The following GDPD5 variants were observed in gnomAD, a reference collection of about 807,000 sequenced individuals.
The protein encoded by GDPD5 is glycerophosphodiester phosphodiesterase 2.
Under a neutral mutation model 75.1 loss-of-function variants are expected in GDPD5, and 48 were observed. That is an observed-to-expected ratio of 0.64 (90% CI 0.51 to 0.81). The LOEUF (loss-of-function observed/expected upper bound fraction) is 0.81. Ranked by LOEUF, GDPD5 falls within the 40% of genes least tolerant of loss-of-function variation. The probability of loss-of-function intolerance (pLI) is 0.00; values close to 1 mark genes in which losing one functional copy is unlikely to be tolerated. For missense variants in GDPD5, 706 were observed against 822.6 expected, an observed-to-expected ratio of 0.86 and a Z score of 1.73; for synonymous variants, 336 against 339.0, an observed-to-expected ratio of 0.99 and a Z score of 0.10.
chr11:75,444,541 G>T (rs1457941913), intron 9 of GDPD5, 46 bp from the exon 10 acceptor site: 2 of 1,391,910 alleles, frequency 1.4e-6, no homozygotes, highest in South Asian at 2.3e-5. Context: ...TTCAGCTGAT[G>T]TACCCTCCCC....
At chr11:75,445,277 A>G (rs1390868037) in intron 9 of GDPD5, among the ~76,000 whole-genome samples, 1 of 152,068 alleles carries the variant, frequency 6.6e-6, no homozygotes, top group East Asian at 1.9e-4. Context: ...AACTTCCCAA[A>G]TAGCTGGGAC....
In GDPD5 at chr11:75,465,026, A is replaced by G. The variant is rs148522596; in HGVS notation, c.118-2137T>C. Among the ~76,000 whole-genome samples, 37 of 152,314 alleles carry G rather than the reference A, an allele frequency of 2.4e-4. 1 individual carries two copies. In the South Asian group the frequency reaches 2.5e-3, roughly 10 times the overall value. On this transcript the variant is annotated intron_variant, in intron 3 of 16. Coordinates refer to ENST00000336898, the MANE Select transcript of GDPD5 (RefSeq NM_030792.8). ...TGCCACCTCAAATTCTTATTTGCTC[A>G]TAACAGCCTTCATTCCCTGCAGAGT...
chr11:75,484,884 G>A (rs897040153), intron 2 of GDPD5, among the ~76,000 whole-genome samples: 1 of 152,116 alleles, frequency 6.6e-6, no homozygotes, highest in Non-Finnish European at 1.5e-5. Flanking sequence ...TTGCATAGGC[G>A]TCCCCTCCCC....
At chr11:75,452,872 A>AGAC (rs1949199467) in intron 6 of GDPD5, 1 of 152,446 alleles carries the variant, frequency 6.6e-6, no homozygotes, top group Admixed American at 6.5e-5. Context: ...GGTCGCTGAC[A>AGAC]GACGCCTCCT....
rs141646466 is a variant in GDPD5 at position 75,494,681 on chromosome 11, G to A, written c.-144-4361C>T. Among the ~76,000 whole-genome samples, 408 of 152,028 alleles carry A rather than the reference G, an allele frequency of 2.7e-3. 1 individual carries two copies. The highest frequency in any genetic ancestry group is 4.7e-3 in the Non-Finnish European group (323 of 68,010). Reference sequence around the variant, plus strand: ...TACATAAAATTTGATGGCCAGATGCGGTGGCTCACGCTTGTAATCCCAGCA... The same window carrying A: ...TACATAAAATTTGATGGCCAGATGCAGTGGCTCACGCTTGTAATCCCAGCA... On this transcript the variant is annotated intron_variant, in intron 1 of 16. Coordinates refer to ENST00000336898, the MANE Select transcript of GDPD5 (RefSeq NM_030792.8).
intron 3 of GDPD5, among the ~76,000 whole-genome samples, chr11:75,466,464 T>C (rs1164816493): frequency 6.6e-6 from 1 of 152,084 alleles, no homozygotes; most frequent in Admixed American, 6.5e-5. Flanking sequence ...TCAGGGCACA[T>C]TACAGCAGAG....
intron 3 of GDPD5, among the ~76,000 whole-genome samples, chr11:75,476,883 C>T (rs953389947): frequency 2.6e-5 from 4 of 152,172 alleles, no homozygotes; most frequent in African/African-American, 9.7e-5. Flanking sequence ...CCCCATCCCC[C>T]ACCCCGGCCC....
chr11:75,505,897 C>T (rs1157806107), intron 1 of GDPD5, among the ~76,000 whole-genome samples: 2 of 152,218 alleles, frequency 1.3e-5, no homozygotes, highest in African/African-American at 4.8e-5. Context: ...ACAAAATCCT[C>T]CATGCCTAGG....
rs1948846216 is a variant in GDPD5 at position 75,442,435 on chromosome 11, C to G, written c.1095G>C (p.Glu365Asp). ...LLLNLRDPPR[E>D]HPYRSSFINV... ...TGATAAAACTGCTGCGGTAGGGGTG[C>G]TCCCGGGGCGGGTCACGCAGGTTGA... The change falls in exon 12 of 17, where the codon GAG becomes GAC. Residue 365 changes from glutamate to aspartate, a missense_variant. Transcript: ENST00000336898. 1.2e-6 allele frequency: 2 copies of G among 1,610,950 alleles called. No individual in the cohort carries two copies. The highest frequency in any genetic ancestry group is 8.5e-7 in the Non-Finnish European group (1 of 1,178,790).
chr11:75,444,635 C>G (rs1948941912), intron 9 of GDPD5, 140 bp from the exon 10 acceptor site: 1 of 641,162 alleles, frequency 1.6e-6, no homozygotes, highest in East Asian at 2.7e-5. Flanking sequence ...CTGTGTGACC[C>G]TGGGCACCCA....
chr11:75,496,779 C>CTTTTTTTTTTT (rs544914858), intron 1 of GDPD5, among the ~76,000 whole-genome samples: 1 of 103,112 alleles, frequency 9.7e-6, no homozygotes, highest in Non-Finnish European at 1.8e-5. Context: ...TTCTTTCTTT[C>CTTTTTTTTTTT]TTTTTTTTTT....
chr11:75,490,013 A>G (rs1175397703), intron 2 of GDPD5, among the ~76,000 whole-genome samples: 1 of 152,214 alleles, frequency 6.6e-6, no homozygotes, highest in African/African-American at 2.4e-5. Flanking sequence ...CCATGGCATC[A>G]GCCTCATGGG....
At chr11:75,522,173 G>C (rs1299830027) in intron 1 of GDPD5, among the ~76,000 whole-genome samples, 1 of 152,190 alleles carries the variant, frequency 6.6e-6, no homozygotes, top group Non-Finnish European at 1.5e-5. Context: ...CTTGTTGAGT[G>C]CCTAAAGTGC....
intron 3 of GDPD5, among the ~76,000 whole-genome samples, chr11:75,468,878 G>A (rs746004674): frequency 3.2e-4 from 49 of 152,318 alleles, no homozygotes; most frequent in Non-Finnish European, 4.7e-4. Context: ...TAGGCCAATC[G>A]CTCAGGACCT....
At chr11:75,471,228 TG>T (rs1367682032) in intron 3 of GDPD5, among the ~76,000 whole-genome samples, 1 of 152,136 alleles carries the variant, frequency 6.6e-6, no homozygotes, top group East Asian at 1.9e-4. Context: ...AAGGGAGAGA[TG>T]GGCAGGCTAT....
At chr11:75,518,410 G>A (rs1156801717) in intron 1 of GDPD5, among the ~76,000 whole-genome samples, 7 of 152,298 alleles carry the variant, frequency 4.6e-5, no homozygotes, top group Middle Eastern at 3.4e-3. Context: ...ACTGTGGGAG[G>A]TAGGCTGCAG....
chr11:75,461,802 G>A (rs373165434), intron 4 of GDPD5, among the ~76,000 whole-genome samples: 2 of 152,238 alleles, frequency 1.3e-5, no homozygotes, highest in African/African-American at 4.8e-5. Flanking sequence ...GCAATGGATG[G>A]GGAGTGAGGA....
Position 75,469,270 on chromosome 11 carries a change from C to T in GDPD5, c.118-6381G>A, listed in dbSNP as rs575084756. Among the ~76,000 whole-genome samples the T allele has an allele frequency of 6.6e-5, 10 of 152,256 alleles. No individual in the cohort carries two copies. In the East Asian group the frequency reaches 1.5e-3, roughly 24 times the overall value. ...CCAATCTCACTCACAGGCTGCATCC[C>T]GGGCTGTGGGGAACAGAGTCCTGTG... On this transcript the variant is annotated intron_variant, in intron 3 of 16. Transcript: ENST00000336898.
intron 4 of GDPD5, 76 bp from the exon 5 acceptor site, chr11:75,457,862 C>A (rs376921204): frequency 1.8e-6 from 2 of 1,126,364 alleles, no homozygotes; most frequent in African/African-American, 1.5e-5. Flanking sequence ...ATGGTCTGAG[C>A]CTCCACACAG....
Sources: gnomAD v4.1 joint callset for allele counts (sites outside exome capture counted in the v4.1 genomes callset) on GRCh38, gnomAD v4.1.1 for gene constraint, MANE v1.5 for transcripts, NCBI Gene and HGNC (gene_info 2026-07-23, HGNC 2026-07-21) for gene names.